The following CEP85L variants were observed in gnomAD, a reference collection of about 807,000 sequenced individuals.
The protein encoded by CEP85L is centrosomal protein of 85 kDa-like.
Under a neutral mutation model 100.3 loss-of-function variants are expected in CEP85L, and 60 were observed. That is an observed-to-expected ratio of 0.60 (90% CI 0.49 to 0.74). The LOEUF is 0.74. CEP85L is among the 30% of genes least tolerant of loss of function. The pLI is 0.00. For missense variants in CEP85L, 973 were observed against 936.2 expected (o/e 1.04, Z -0.51); for synonymous variants, 319 against 322.7 (o/e 0.99, Z 0.12).
intron 5 of CEP85L, among the ~76,000 whole-genome samples, chr6:118,499,234 GA>G (rs1369268411): frequency 6.6e-6 from 1 of 152,132 alleles, no homozygotes; most frequent in African/African-American, 2.4e-5. Flanking sequence ...AAGTAAATCT[GA>G]AATAAACAAA....
chr6:118,698,636 A>T (rs776782297), intron 1 of CEP85L, among the ~76,000 whole-genome samples: 1 of 152,122 alleles, frequency 6.6e-6, no homozygotes, highest in Non-Finnish European at 1.5e-5. Context: ...GAAAGATCAT[A>T]TGTACTTGAA....
intron 2 of CEP85L, among the ~76,000 whole-genome samples, chr6:118,587,408 G>C (rs886406402): frequency 6.6e-6 from 1 of 152,158 alleles, no homozygotes; most frequent in Non-Finnish European, 1.5e-5. Context: ...ACCATACTTG[G>C]GAGTAACATC....
Position 118,491,845 on chromosome 6 carries a change from T to C in CEP85L, c.1278A>G (p.Ser426=). ...ATTCCTCTGAAAATGGTGTCTGGAG[T>C]GAAGTGTTCTCATATTGTGGCTGTT... ...ASLQPQYENT[S]LQTPFSEESV... is the part of the protein sequence containing the mutation. Residue 426 remains serine, a synonymous_variant, in exon 6 of 13, where the codon TCA becomes TCG. Coordinates refer to ENST00000368491, the MANE Select transcript of CEP85L (RefSeq NM_001042475.3). 1.2e-6 allele frequency: 2 copies of C among 1,606,922 alleles called. No homozygotes were observed. Among genetic ancestry groups the C allele is most frequent in the Non-Finnish European group, 1.7e-6 (2 of 1,177,750 alleles).
At chr6:118,534,414 A>G (rs2114842789) in intron 3 of CEP85L, among the ~76,000 whole-genome samples, 1 of 152,260 alleles carries the variant, frequency 6.6e-6, no homozygotes, top group East Asian at 1.9e-4. Flanking sequence ...GCACTTTGGG[A>G]GGCCGAAGTG....
rs758605801 is a variant in CEP85L, at chr6:118,651,279, G to C, written c.-10C>G. 15 of 1,485,318 alleles carry C rather than the reference G, an allele frequency of 1.0e-5. No individual in the cohort carries two copies. The African/African-American group carries it at 2.2e-4, about 22-fold the overall frequency. 92.0% of individuals were successfully genotyped at this position (1,485,318 alleles called of 1,614,324 possible). On this transcript the variant is annotated 5_prime_UTR_variant, in exon 1 of 13. Transcript: ENST00000368491. ...GGAAGCGCCCCCACATCGCGGGCGAGAGGGCCGGGTGGGCCAGGGACGCCC... is the reference window on the plus strand; with the variant it reads ...GGAAGCGCCCCCACATCGCGGGCGACAGGGCCGGGTGGGCCAGGGACGCCC...
At chr6:118,549,078 A>G (rs1304667734) in intron 3 of CEP85L, among the ~76,000 whole-genome samples, 1 of 152,036 alleles carries the variant, frequency 6.6e-6, no homozygotes, top group African/African-American at 2.4e-5. Flanking sequence ...AGAAGTTTAG[A>G]AATTTTAAAA....
intron 2 of CEP85L, among the ~76,000 whole-genome samples, chr6:118,629,878 T>C (rs1407082815): frequency 2.6e-5 from 4 of 152,166 alleles, no homozygotes; most frequent in Admixed American, 1.3e-4. Flanking sequence ...ATCACTGGAT[T>C]TTCTCAAAAG....
At chr6:118,577,928 C>A (rs1183591843) in intron 2 of CEP85L, among the ~76,000 whole-genome samples, 1 of 152,168 alleles carries the variant, frequency 6.6e-6, no homozygotes, top group Non-Finnish European at 1.5e-5. Context: ...AGTGCAAAGG[C>A]TTATAGAAAA....
intron 3 of CEP85L, among the ~76,000 whole-genome samples, chr6:118,533,967 T>C (rs1399367833): frequency 6.6e-6 from 1 of 152,008 alleles, no homozygotes; most frequent in African/African-American, 2.4e-5. Context: ...TGGTGGCTCA[T>C]GCCTATAATC....
chr6:118,531,433 A>C (rs1241344083), intron 3 of CEP85L, among the ~76,000 whole-genome samples: 1 of 152,186 alleles, frequency 6.6e-6, no homozygotes, highest in Non-Finnish European at 1.5e-5. Flanking sequence ...AGGAAATACC[A>C]TTGTGGACAC....
chr6:118,703,086 T>C (rs1227860067), intron 1 of CEP85L, among the ~76,000 whole-genome samples: 2 of 151,910 alleles, frequency 1.3e-5, no homozygotes, highest in Admixed American at 6.6e-5. Context: ...AATAGAATGC[T>C]GCAGAAGTGA....
intron 1 of CEP85L, among the ~76,000 whole-genome samples, chr6:118,696,434 T>G (rs561982794): frequency 6.6e-6 from 1 of 152,298 alleles, no homozygotes; most frequent in East Asian, 1.9e-4. Context: ...TCCTGGGATA[T>G]GATATCATGT....
chr6:118,488,281 A>G (rs1044786323), intron 6 of CEP85L, among the ~76,000 whole-genome samples: 3 of 152,086 alleles, frequency 2.0e-5, no homozygotes, highest in African/African-American at 7.2e-5. Flanking sequence ...ACCCAACATA[A>G]AGATGCTCAA....
intron 3 of CEP85L, among the ~76,000 whole-genome samples, chr6:118,524,430 C>T (rs2114791140): frequency 6.6e-6 from 1 of 151,812 alleles, no homozygotes; most frequent in Non-Finnish European, 1.5e-5. Flanking sequence ...GGTGACAGAG[C>T]AAGACTCTGT....
chr6:118,535,963 A>G (rs762199476), intron 3 of CEP85L, among the ~76,000 whole-genome samples: 5 of 152,112 alleles, frequency 3.3e-5, no homozygotes, highest in Non-Finnish European at 7.4e-5. Context: ...AAAATCTTAA[A>G]AGTTGCATGT....
intron 4 of CEP85L, among the ~76,000 whole-genome samples, chr6:118,514,816 T>C (rs1776176123): frequency 1.3e-5 from 2 of 151,756 alleles, no homozygotes. Flanking sequence ...TTTTTTTTTC[T>C]ATTTTAGAGA....
intron 6 of CEP85L, among the ~76,000 whole-genome samples, chr6:118,490,760 A>T (rs2114602029): frequency 6.6e-6 from 1 of 152,304 alleles, no homozygotes. Flanking sequence ...ACTACTCAGC[A>T]ATAGATAGAA....
chr6:118,481,842 T>C lies in CEP85L; in HGVS notation c.1682A>G (p.Asp561Gly), dbSNP rs374099847. The C allele has an allele frequency of 1.9e-6, 3 of 1,599,274 alleles. No homozygotes were observed. The South Asian group carries it at 3.4e-5, about 18-fold the overall frequency. The change falls in exon 8 of 13, where the codon GAT (aspartate) becomes GGT (glycine). Residue 561 changes from aspartate (D) to glycine (G), a missense_variant. Physicochemically the swap from Asp to Gly is moderately conservative, Grantham distance 94 (BLOSUM62 -1). This residue lies in a region of CEP85L where 890 missense variants were observed against 844.5 expected (regional missense o/e 1.05). Transcript: ENST00000368491. ...KLEEIKKQCQ[D>G]KETQLICQKK... ...CTGGCATATTAACTGTGTCTCTTTA[T>C]CTTGACACTGCTTTTTGATCTCTTC... is the stretch of plus-strand genomic sequence containing the variant.
At chr6:118,538,923 A>C (rs1049844715) in intron 3 of CEP85L, among the ~76,000 whole-genome samples, 7 of 152,124 alleles carry the variant, frequency 4.6e-5, no homozygotes, top group Admixed American at 4.6e-4. Context: ...AAAAAAAATT[A>C]ATGATATAAT....
Sources: allele counts gnomAD v4.1 joint callset (sites outside exome capture counted in the v4.1 genomes callset), GRCh38; gene constraint gnomAD v4.1.1; regional missense constraint gnomAD v4.1.1; transcripts MANE v1.5; gene names NCBI Gene and HGNC (gene_info 2026-07-23, HGNC 2026-07-21).